Variants in SLC24A2 observed in about 807,000 individuals in gnomAD.
SLC24A2 encodes sodium/potassium/calcium exchanger 2.
SLC24A2 carries 36 observed loss-of-function variants against 62.0 expected under a neutral mutation model. The ratio of observed to expected loss-of-function variants is 0.58; its 90% confidence interval spans 0.44 to 0.77. The LOEUF is 0.77. Among genes scored for constraint, SLC24A2 ranks in the 30% least tolerant of loss-of-function variants. The pLI is 0.00. For missense variants in SLC24A2, 846 were observed against 817.9 expected (o/e 1.03, Z -0.42); for synonymous variants, 358 against 294.0 (o/e 1.22, Z -2.23).
At chr9:19,720,991 T>C (rs1821010411) in intron 2 of SLC24A2, among the ~76,000 whole-genome samples, 1 of 152,094 alleles carries the variant, frequency 6.6e-6, no homozygotes, top group Non-Finnish European at 1.5e-5. Flanking sequence ...AGTGACTGTT[T>C]AGGTACCAGC....
chr9:19,773,642 C>T (rs565335259), intron 2 of SLC24A2, among the ~76,000 whole-genome samples: 1 of 152,298 alleles, frequency 6.6e-6, no homozygotes, highest in Non-Finnish European at 1.5e-5. Flanking sequence ...GCCCTTTGGC[C>T]TTCTACCTAT....
the SLC24A2 span, among the ~76,000 whole-genome samples, chr9:20,117,572 T>C: frequency 1.5e-4 from 23 of 152,214 alleles, no homozygotes; most frequent in African/African-American, 4.3e-4. Context: ...TTGTAGACAA[T>C]AGGCAGTATG....
At chr9:19,565,294 A>C (rs913828165) in intron 7 of SLC24A2, among the ~76,000 whole-genome samples, 22 of 148,478 alleles carry the variant, frequency 1.5e-4, no homozygotes, top group African/African-American at 5.3e-4. Context: ...AATGTGCAAA[A>C]ATCACAAGCA....
chr9:20,285,100 T>C, the SLC24A2 span, among the ~76,000 whole-genome samples: 3 of 152,020 alleles, frequency 2.0e-5, no homozygotes, highest in African/African-American at 7.3e-5. Flanking sequence ...GGGCAGGAGG[T>C]GGCACGTCAT....
the SLC24A2 span, among the ~76,000 whole-genome samples, chr9:20,286,089 A>T: frequency 2.0e-5 from 3 of 152,216 alleles, no homozygotes; most frequent in Non-Finnish European, 4.4e-5. Flanking sequence ...GCAAATCATC[A>T]TATATGAAGA....
intron 2 of SLC24A2, among the ~76,000 whole-genome samples, chr9:19,643,038 T>C (rs1163053285): frequency 1.3e-5 from 2 of 149,686 alleles, no homozygotes; most frequent in Non-Finnish European, 3.0e-5. Flanking sequence ...ATCAATCGTC[T>C]GCCTTATAAA....
the SLC24A2 span, among the ~76,000 whole-genome samples, chr9:19,866,143 A>T: frequency 6.6e-6 from 1 of 152,222 alleles, no homozygotes. Context: ...TCAAAACTAC[A>T]ATGAGATGTC....
the SLC24A2 span, among the ~76,000 whole-genome samples, chr9:20,111,774 A>G: frequency 6.6e-6 from 1 of 152,138 alleles, no homozygotes; most frequent in Non-Finnish European, 1.5e-5. Context: ...GCTTATTAAG[A>G]GACTATTATC....
At chr9:19,612,978 TATAAC>T (rs1335474971) in intron 4 of SLC24A2, among the ~76,000 whole-genome samples, 1 of 152,228 alleles carries the variant, frequency 6.6e-6, no homozygotes, top group Non-Finnish European at 1.5e-5. Context: ...TCGGTAGAGA[TATAAC>T]ATCCATCTGG....
chr9:20,034,694 T>A, the SLC24A2 span, among the ~76,000 whole-genome samples: 2 of 152,216 alleles, frequency 1.3e-5, no homozygotes, highest in East Asian at 3.9e-4. Flanking sequence ...GGTCTCGATC[T>A]CCTGAACTCG....
the SLC24A2 span, among the ~76,000 whole-genome samples, chr9:20,271,300 T>C: frequency 6.6e-6 from 1 of 152,228 alleles, no homozygotes; most frequent in Non-Finnish European, 1.5e-5. Flanking sequence ...GATGCATGTC[T>C]GACTGTAGAT....
the SLC24A2 span, among the ~76,000 whole-genome samples, chr9:19,993,004 TC>T: frequency 6.6e-6 from 1 of 152,224 alleles, no homozygotes; most frequent in African/African-American, 2.4e-5. Context: ...CTTATTTTTT[TC>T]ATTCTTATTC....
At chr9:19,782,255 C>G (rs142272693) in intron 2 of SLC24A2, among the ~76,000 whole-genome samples, 146 of 152,324 alleles carry the variant, frequency 9.6e-4, no homozygotes, top group African/African-American at 3.4e-3. Context: ...GCCGAATGAT[C>G]TGAAACTTAA....
intron 2 of SLC24A2, among the ~76,000 whole-genome samples, chr9:19,633,850 T>G (rs1215075746): frequency 6.6e-6 from 1 of 152,240 alleles, no homozygotes; most frequent in Non-Finnish European, 1.5e-5. Flanking sequence ...AGTCCTTTGT[T>G]AGACACGTGG....
At chr9:20,230,599 A>C in the SLC24A2 span, among the ~76,000 whole-genome samples, 1 of 151,992 alleles carries the variant, frequency 6.6e-6, no homozygotes, top group Admixed American at 6.5e-5. Context: ...TTTCTTGTAA[A>C]TTTGTTTGAG....
chr9:20,068,568 A>G, the SLC24A2 span, among the ~76,000 whole-genome samples: 2 of 152,274 alleles, frequency 1.3e-5, no homozygotes, highest in Non-Finnish European at 2.9e-5. Flanking sequence ...AACTGGTAAC[A>G]TTCAAGCTAA....
the SLC24A2 span, among the ~76,000 whole-genome samples, chr9:19,925,597 T>C: frequency 1.3e-3 from 192 of 152,200 alleles, 2 homozygotes; most frequent in African/African-American, 4.4e-3. Flanking sequence ...TATTTGAGAA[T>C]GGGGAAAGAA....
At chr9:19,753,891 C>T (rs1188610986) in intron 2 of SLC24A2, among the ~76,000 whole-genome samples, 1 of 152,116 alleles carries the variant, frequency 6.6e-6, no homozygotes, top group East Asian at 1.9e-4. Context: ...CACTTTCTGG[C>T]TCCAAAAATT....
At chr9:19,832,977 G>A in the SLC24A2 span, among the ~76,000 whole-genome samples, 3 of 152,070 alleles carry the variant, frequency 2.0e-5, no homozygotes, top group East Asian at 1.9e-4. Context: ...GCAGCCAAAA[G>A]ACACATGAAA....
Sources: allele counts gnomAD v4.1 joint callset (sites outside exome capture counted in the v4.1 genomes callset), GRCh38; gene constraint gnomAD v4.1.1; transcripts MANE v1.5; gene names NCBI Gene and HGNC (gene_info 2026-07-23, HGNC 2026-07-21).